NR1H3: variants seen among roughly 807,000 people sequenced by gnomAD.
The protein encoded by NR1H3 is nuclear receptor subfamily 1 group H member 3.
In NR1H3, 19 loss-of-function variants were observed where a neutral mutation model predicts 48.1. That is an observed-to-expected ratio of 0.40 (90% confidence interval 0.28 to 0.58). NR1H3 has a LOEUF of 0.58. NR1H3 is among the 20% of genes least tolerant of loss of function. The pLI, the probability that NR1H3 is intolerant of heterozygous loss-of-function variation, is 0.50. For synonymous variants in NR1H3, 232 were observed against 227.3 expected (o/e 1.02, Z -0.19); for missense variants, 486 against 595.9 (o/e 0.82, Z 1.92).
chr11:47,264,966 G>A (rs1956306386), intron 7 of NR1H3, among the ~76,000 whole-genome samples: 1 of 152,152 alleles, frequency 6.6e-6, no homozygotes, highest in Non-Finnish European at 1.5e-5. Context: ...GCCACACTTT[G>A]GGGCTCAAAA....
At chr11:47,256,747 T>G (rs10838682), upstream of NR1H3, among the ~76,000 whole-genome samples, 52,982 of 142,720 alleles carry the variant, frequency 0.37, 10,256 homozygotes, top group East Asian at 0.71. Flanking sequence ...TTTTTTTTTT[T>G]GGGGACAGAG....
At position 47,267,841 on chromosome 11, in the gene NR1H3, C is replaced by A. The variant is rs1049338529; in HGVS notation, c.989-72C>A. On this transcript the variant is annotated intron_variant, in intron 7 of 9. Transcript: ENST00000441012. ...ACTTCTTAGTGAGTTCCTAATAGTT[C>A]CCTAAGGTGAGGAGAGAAGAAAGTT... is the stretch of plus-strand genomic sequence containing the variant. 2.3e-5 allele frequency: 25 copies of A among 1,066,616 alleles called. No homozygotes were observed. In the African/African-American group the frequency reaches 3.6e-4, roughly 15 times the overall value. 66.1% of individuals were successfully genotyped at this position (1,066,616 alleles called of 1,614,324 possible). A position where few individuals can be genotyped will look rare whatever the true frequency, so the allele number is the denominator to read the frequency against.
At chr11:47,248,383 A>G, upstream of NR1H3, 1 of 1,469,010 alleles carries the variant, frequency 6.8e-7, no homozygotes, top group Non-Finnish European at 9.2e-7. Flanking sequence ...AAGTGAAAGC[A>G]ACGTATGTGG....
At position 47,259,284 on chromosome 11, in the gene NR1H3, C is replaced by T. The variant is rs775655304; in HGVS notation, c.43+25C>T. 3.7e-6 allele frequency: 6 copies of T among 1,614,144 alleles called. No homozygotes were observed. In the South Asian group the frequency reaches 6.6e-5, roughly 18 times the overall value. ...GGTAAGCTTCATTCCATCCCTCTCCCCTGAGCCCAGACCGCAGGCTCCACG... is the reference window on the plus strand; with the variant it reads ...GGTAAGCTTCATTCCATCCCTCTCCTCTGAGCCCAGACCGCAGGCTCCACG... On this transcript the variant is annotated intron_variant, in intron 2 of 9. Coordinates refer to ENST00000441012, the MANE Select transcript of NR1H3 (RefSeq NM_005693.4).
Position 47,260,620 on chromosome 11 carries a change from C to T in NR1H3, c.444C>T (p.Arg148=). The T allele has an allele frequency of 6.2e-7, 1 of 1,612,612 alleles. No individual in the cohort carries two copies. The change falls in exon 4 of 10, where the codon CGC becomes CGT. Residue 148 remains arginine, a synonymous_variant. Coordinates refer to ENST00000441012, the MANE Select transcript of NR1H3 (RefSeq NM_005693.4). ...GCCCCATGGACACCTACATGCGTCGCAAGTGCCAGGAGTGTCGGCTTCGCA... is the reference window on the plus strand; with the variant it reads ...GCCCCATGGACACCTACATGCGTCGTAAGTGCCAGGAGTGTCGGCTTCGCA... The part of the protein sequence containing the change: ...GHCPMDTYMR[R]KCQECRLRKC...
rs1245423280 is a variant in NR1H3 at position 47,268,308 on chromosome 11, A to G, written c.1150A>G (p.Thr384Ala). 6.2e-7 allele frequency: 1 copy of G among 1,614,114 alleles called. No homozygotes were observed. Among genetic ancestry groups the G allele is most frequent in the Non-Finnish European group, 8.5e-7 (1 of 1,180,004 alleles). ...GCTCCAGGTAGAGAGGCTGCAGCAC[A>G]CATATGTGGAAGCCCTGCATGCCTA... is the stretch of plus-strand genomic sequence containing the variant. ...DQLQVERLQH[T>A]YVEALHAYVS... The change falls in exon 9 of 10, where the codon ACA becomes GCA. Residue 384 changes from threonine (T) to alanine (A), a missense_variant. Coordinates refer to ENST00000441012, the MANE Select transcript of NR1H3 (RefSeq NM_005693.4).
upstream of NR1H3, among the ~76,000 whole-genome samples, chr11:47,255,615 C>CTCTCTCTCTCTCTTTCTTTCTT (rs1554981334): frequency 3.2e-5 from 3 of 93,210 alleles, no homozygotes; most frequent in African/African-American, 1.4e-4. Context: ...CTCTCTCTCT[C>CTCTCTCTCTCTCTTTCTTTCTT]TCTTTCTTTC....
At chr11:47,254,313 T>C (rs1479784479), upstream of NR1H3, among the ~76,000 whole-genome samples, 1 of 152,202 alleles carries the variant, frequency 6.6e-6, no homozygotes, top group Non-Finnish European at 1.5e-5. Context: ...CATTGAGTCC[T>C]GAGTTTCTTG....
At chr11:47,255,539 C>CTT (rs58304713), upstream of NR1H3, among the ~76,000 whole-genome samples, 2 of 110,482 alleles carry the variant, frequency 1.8e-5, no homozygotes, top group Admixed American at 1.7e-4. Context: ...TTCTTTCTTT[C>CTT]TTTTTCTTTC....
At chr11:47,259,430 C>T (rs1296124941) in intron 2 of NR1H3, 171 bp downstream of exon 2, 3 of 1,558,884 alleles carry the variant, frequency 1.9e-6, no homozygotes, top group Non-Finnish European at 2.6e-6. Flanking sequence ...GGTTCCAGTG[C>T]CTGGCCCTTG....
upstream of NR1H3, among the ~76,000 whole-genome samples, chr11:47,256,982 G>A (rs1390879511): frequency 2.0e-5 from 3 of 151,906 alleles, no homozygotes; most frequent in East Asian, 1.9e-4. Context: ...CGCCTGCCTC[G>A]GCCTCCCAAA....
chr11:47,265,163 G>A (rs1001692654), intron 7 of NR1H3, among the ~76,000 whole-genome samples: 1 of 151,932 alleles, frequency 6.6e-6, no homozygotes, highest in Admixed American at 6.6e-5. Flanking sequence ...GCGTGGTGGT[G>A]CACACCTGTG....
chr11:47,260,027 C>G (rs753004927), intron 3 of NR1H3, 48 bp downstream of exon 3: 10 of 1,435,198 alleles, frequency 7.0e-6, no homozygotes, highest in African/African-American at 1.4e-5. Context: ...GATTCCAGGT[C>G]CTGGATCTGG....
rs532071303 is a variant in NR1H3, at chr11:47,259,987, G to C, written c.232+8G>C. The C allele has an allele frequency of 1.3e-6, 2 of 1,507,324 alleles. No individual in the cohort carries two copies. The highest frequency in any genetic ancestry group is 4.9e-5 in the Admixed American group (2 of 41,164). 93.4% of individuals were successfully genotyped at this position (1,507,324 alleles called of 1,614,324 possible). The stretch of plus-strand genomic sequence containing the variant: ...CCCCTTCAGAACCCACAGGTGAGGA[G>C]CTTCTGGGTTTGGAGGAGGTAGGGG... On this transcript the variant is annotated splice_region_variant and intron_variant, in intron 3 of 9. Transcript: ENST00000441012.
At position 47,268,281 on chromosome 11, in the gene NR1H3, C is replaced by T. The variant is rs373781078; in HGVS notation, c.1123C>T (p.Gln375Ter). The stretch of plus-strand genomic sequence containing the variant: ...TATAGACCGGCCCAACGTGCAGGAC[C>T]AGCTCCAGGTAGAGAGGCTGCAGCA... ...FSADRPNVQD[Q>*]LQVERLQHTY... The change falls in exon 9 of 10, where the codon CAG (glutamine) becomes TAG (stop). Residue 375 changes from glutamine to a stop codon, truncating the protein, a stop_gained. Transcript: ENST00000441012. LOFTEE classifies it high-confidence loss of function. 6.2e-7 allele frequency: 1 copy of T among 1,614,100 alleles called. No individual in the cohort carries two copies. The highest frequency in any genetic ancestry group is 1.3e-5 in the African/African-American group (1 of 75,042).
chr11:47,258,194 G>A, intron 1 of NR1H3, 65 bp downstream of exon 1: 1 of 985,588 alleles, frequency 1.0e-6, no homozygotes, highest in Non-Finnish European at 1.2e-6. Flanking sequence ...GTCGGGGAAT[G>A]TCCTAAGGAT....
intron 8 of NR1H3, 109 bp downstream of exon 8, chr11:47,268,135 CATTTGCTGTGTT>C (rs1392724258): frequency 7.7e-6 from 9 of 1,168,154 alleles, no homozygotes; most frequent in Non-Finnish European, 2.5e-6. Flanking sequence ...AGGGTGGAGG[CATTTGCTGTGTT>C]ATTTTAGGAT....
In NR1H3 at chr11:47,268,888, C is replaced by T; in HGVS notation, c.*192C>T. On this transcript the variant is annotated 3_prime_UTR_variant, in exon 10 of 10. Transcript: ENST00000441012. ...CTGAGCAGTGGAGCCCTCGCTAACA[C>T]TGTGCTGTGTCTGAAGATCATGCTG... 1 of 653,698 alleles carries T rather than the reference C, an allele frequency of 1.5e-6. No individual in the cohort carries two copies. The highest frequency in any genetic ancestry group is 1.9e-5 in the South Asian group (1 of 51,378). 40.5% of individuals were successfully genotyped at this position (653,698 alleles called of 1,614,324 possible). A position where few individuals can be genotyped will look rare whatever the true frequency, so the allele number is the denominator to read the frequency against.
exon 1 of NR1H3, chr11:47,248,918 G>T: frequency 6.5e-7 from 1 of 1,539,092 alleles, no homozygotes; most frequent in Non-Finnish European, 8.7e-7. Context: ...GGGACCTGCT[G>T]GGGTGCGGGG....
Sources: allele counts gnomAD v4.1 joint callset (sites outside exome capture counted in the v4.1 genomes callset), GRCh38; gene constraint gnomAD v4.1.1; transcripts MANE v1.5; gene names NCBI Gene and HGNC (gene_info 2026-07-23, HGNC 2026-07-21).